CNBD1: variants seen among roughly 807,000 people sequenced by gnomAD.
CNBD1 encodes the protein cyclic nucleotide binding domain containing 1.
Under a neutral mutation model 54.4 loss-of-function variants are expected in CNBD1, and 71 were observed. The observed-to-expected ratio is 1.30, with a 90% CI of 1.08 to 1.59. The LOEUF is 1.59. Ranked by LOEUF, CNBD1 falls within the 40% of genes most tolerant of loss-of-function variation. The probability of loss-of-function intolerance (pLI) is 0.00; values close to 1 mark genes in which losing one functional copy is unlikely to be tolerated. For missense variants in CNBD1, 659 were observed against 518.0 expected (o/e 1.27, Z -2.64); for synonymous variants, 182 against 170.7 (o/e 1.07, Z -0.51).
At chr8:87,168,233 C>A (rs902589531) in intron 4 of CNBD1, among the ~76,000 whole-genome samples, 2 of 151,940 alleles carry the variant, frequency 1.3e-5, no homozygotes, top group Non-Finnish European at 2.9e-5. Flanking sequence ...AATATATGAA[C>A]ACATTTAAAC....
chr8:86,873,794 AT>A (rs906225901), intron 1 of CNBD1, among the ~76,000 whole-genome samples: 1 of 152,194 alleles, frequency 6.6e-6, no homozygotes, highest in Non-Finnish European at 1.5e-5. Context: ...TTAAATTTAA[AT>A]TTTTAAAAAG....
At position 86,914,678 on chromosome 8, in the gene CNBD1, A is replaced by G. The variant is rs192950067; in HGVS notation, c.272+9484A>G. Among the ~76,000 whole-genome samples the G allele has an allele frequency of 1.5e-3, 223 of 152,306 alleles. No homozygotes were observed. In the Middle Eastern group the frequency reaches 0.017, roughly 12 times the overall value. ...TAAGTGAAGAAGTTTCTTTTTGTAA[A>G]GAGTTAAAAGCAAAAATGAAAAAAA... On this transcript the variant is annotated intron_variant, in intron 3 of 10. Coordinates refer to ENST00000518476, the MANE Select transcript of CNBD1 (RefSeq NM_173538.3).
intron 4 of CNBD1, among the ~76,000 whole-genome samples, chr8:87,059,147 A>G (rs1469045529): frequency 6.6e-6 from 1 of 152,154 alleles, no homozygotes; most frequent in Non-Finnish European, 1.5e-5. Flanking sequence ...TCCATCTGAG[A>G]CCACCAAAGC....
At chr8:87,061,985 T>C (rs1046132646) in intron 4 of CNBD1, among the ~76,000 whole-genome samples, 3 of 152,208 alleles carry the variant, frequency 2.0e-5, no homozygotes, top group Admixed American at 2.0e-4. Context: ...GAATGATTGC[T>C]GAGTGCAGAT....
chr8:87,188,308 G>A (rs1282034125), intron 4 of CNBD1, among the ~76,000 whole-genome samples: 2 of 152,178 alleles, frequency 1.3e-5, no homozygotes, highest in Non-Finnish European at 2.9e-5. Flanking sequence ...TGTGTTTAAT[G>A]TATGACTTCC....
chr8:87,326,877 G>T (rs1443847974), intron 8 of CNBD1, among the ~76,000 whole-genome samples: 1 of 89,972 alleles, frequency 1.1e-5, no homozygotes, highest in Non-Finnish European at 2.3e-5. Flanking sequence ...GAGGAGAGGC[G>T]CTCTGCGTTT....
intron 6 of CNBD1, among the ~76,000 whole-genome samples, chr8:87,268,278 T>C (rs1217440718): frequency 1.3e-5 from 2 of 152,272 alleles, no homozygotes; most frequent in East Asian, 1.9e-4. Context: ...GCAAAGGACA[T>C]GATTTTGTTC....
intron 10 of CNBD1, among the ~76,000 whole-genome samples, chr8:87,377,174 T>C (rs543296378): frequency 4.8e-4 from 72 of 151,108 alleles, no homozygotes; most frequent in Non-Finnish European, 6.9e-4. Context: ...TATTATACTT[T>C]AAGTTTTACG....
chr8:86,993,104 T>G (rs938576635), intron 4 of CNBD1, among the ~76,000 whole-genome samples: 2 of 152,136 alleles, frequency 1.3e-5, no homozygotes, highest in Non-Finnish European at 2.9e-5. Flanking sequence ...TGTTGTAGGT[T>G]TGGTCTCTTT....
chr8:87,350,632 A>G (rs1266554585), intron 8 of CNBD1, among the ~76,000 whole-genome samples: 1 of 151,890 alleles, frequency 6.6e-6, no homozygotes, highest in Non-Finnish European at 1.5e-5. Context: ...ACAAATAGGG[A>G]TGCCTTCAAG....
At chr8:87,100,934 G>A (rs1811417527) in intron 4 of CNBD1, among the ~76,000 whole-genome samples, 1 of 152,134 alleles carries the variant, frequency 6.6e-6, no homozygotes, top group Admixed American at 6.5e-5. Context: ...ACCCATGTAG[G>A]GAAGATTCCA....
In CNBD1 at chr8:87,344,615, G is replaced by A. The variant is rs139670532; in HGVS notation, c.1043-7070G>A. On this transcript the variant is annotated intron_variant, in intron 8 of 10. Transcript: ENST00000518476. Reference sequence around the variant, plus strand: ...TACTACAAATGGTTTACCTGCCCCTGTGTAGACTACTTTAATGTAAACCAA... The same window carrying A: ...TACTACAAATGGTTTACCTGCCCCTATGTAGACTACTTTAATGTAAACCAA... 5.1e-3 allele frequency among the ~76,000 whole-genome samples: 770 copies of A among 152,040 alleles called. 5 individuals carry two copies. Among genetic ancestry groups the A allele is most frequent in the African/African-American group, 0.018 (747 of 41,500 alleles).
chr8:87,343,111 C>T (rs531051081), intron 8 of CNBD1, among the ~76,000 whole-genome samples: 1 of 152,302 alleles, frequency 6.6e-6, no homozygotes, highest in Admixed American at 6.5e-5. Flanking sequence ...ATTTCTCCTA[C>T]TTGCTTTCTG....
chr8:86,973,155 T>C (rs903957583), intron 4 of CNBD1, among the ~76,000 whole-genome samples: 2 of 152,224 alleles, frequency 1.3e-5, no homozygotes, highest in Non-Finnish European at 2.9e-5. Flanking sequence ...AATTGTATTC[T>C]GACCACTGGC....
intron 4 of CNBD1, among the ~76,000 whole-genome samples, chr8:87,081,152 TTCTC>T (rs749557292): frequency 6.6e-6 from 1 of 152,162 alleles, no homozygotes; most frequent in Non-Finnish European, 1.5e-5. Flanking sequence ...TTCTAAATGT[TTCTC>T]TAAATACTTA....
intron 2 of CNBD1, among the ~76,000 whole-genome samples, chr8:87,389,969 A>G (rs1027518440): frequency 6.6e-6 from 1 of 151,718 alleles, no homozygotes; most frequent in African/African-American, 2.4e-5. Flanking sequence ...CTGATCTTTG[A>G]CAAACCTGAG....
chr8:87,416,197 G>A (rs760483228), intron 2 of CNBD1, among the ~76,000 whole-genome samples: 4 of 151,748 alleles, frequency 2.6e-5, no homozygotes, highest in East Asian at 1.9e-4. Flanking sequence ...ATTCTAATCA[G>A]GAATGTAATA....
chr8:87,338,568 C>T (rs2130916750), intron 8 of CNBD1, among the ~76,000 whole-genome samples: 1 of 150,720 alleles, frequency 6.6e-6, no homozygotes, highest in South Asian at 2.1e-4. Context: ...ATGTAATTCT[C>T]CTCTATAGGT....
intron 4 of CNBD1, among the ~76,000 whole-genome samples, chr8:87,088,822 C>T (rs1811151254): frequency 6.6e-6 from 1 of 152,010 alleles, no homozygotes; most frequent in Non-Finnish European, 1.5e-5. Context: ...TGTTATTGCT[C>T]TTGGAATTTT....
Sources: allele counts gnomAD v4.1 joint callset (sites outside exome capture counted in the v4.1 genomes callset), GRCh38; gene constraint gnomAD v4.1.1; transcripts MANE v1.5; gene names NCBI Gene and HGNC (gene_info 2026-07-23, HGNC 2026-07-21).